The following ABCB1 variants were observed in gnomAD, a reference collection of about 807,000 sequenced individuals.
ABCB1 encodes the protein ATP binding cassette subfamily B member 1.
A neutral mutation model predicts 142.0 loss-of-function variants in ABCB1; 69 were observed. The observed-to-expected ratio is 0.49, with a 90% CI of 0.40 to 0.59. The LOEUF is 0.59. ABCB1 is among the 20% of genes least tolerant of loss of function. ABCB1 has a pLI of 0.00. For synonymous variants in ABCB1, 532 were observed against 539.2 expected (o/e 0.99, Z 0.18); for missense variants, 1,326 against 1,554.7 (o/e 0.85, Z 2.47).
chr7:87,589,841 A>AGAGAGAGAGAGAGG (rs1818921510), intron 3 of ABCB1, among the ~76,000 whole-genome samples: 2 of 146,106 alleles, frequency 1.4e-5, no homozygotes, highest in African/African-American at 5.2e-5. Flanking sequence ...AGAGAGGGAG[A>AGAGAGAGAGAGAGG]GAGGGAGGGA....
In ABCB1 at chr7:87,571,535, G is replaced by A. The variant is rs147319397; in HGVS notation, c.287-1312C>T. ...GCAAATACTTATGAGACTTATAGAG[G>A]AAGAAGTTACAGGACTTAGCAACTG... On this transcript the variant is annotated intron_variant, in intron 4 of 27. Transcript: ENST00000622132. Among the ~76,000 whole-genome samples, 764 of 152,172 alleles carry A rather than the reference G, an allele frequency of 5.0e-3. 7 individuals are homozygous for A. The highest frequency in any genetic ancestry group is 7.9e-3 in the Non-Finnish European group (540 of 68,002).
chr7:87,703,178 A>G (rs1048560063), intron 1 of ABCB1, among the ~76,000 whole-genome samples: 2 of 152,200 alleles, frequency 1.3e-5, no homozygotes, highest in African/African-American at 2.4e-5. Context: ...TCTATGTAAT[A>G]ACCGAAAGTA....
At chr7:87,583,466 A>T (rs536224049) in intron 4 of ABCB1, among the ~76,000 whole-genome samples, 1 of 152,318 alleles carries the variant, frequency 6.6e-6, no homozygotes, top group East Asian at 1.9e-4. Context: ...TCAAGACTAG[A>T]AGAGTGAGCT....
At chr7:87,700,529 A>C in intron 1 of ABCB1, 1 of 1,613,256 alleles carries the variant, frequency 6.2e-7, no homozygotes, top group South Asian at 1.1e-5. Flanking sequence ...GAAAATATGG[A>C]AAATGTCAGT....
At chr7:87,677,998 A>G (rs1448902466) in intron 1 of ABCB1, among the ~76,000 whole-genome samples, 3 of 152,250 alleles carry the variant, frequency 2.0e-5, no homozygotes, top group African/African-American at 7.2e-5. Flanking sequence ...GATAAAGGAA[A>G]ACTAAGAATT....
chr7:87,596,775 C>CT (rs2129985892), intron 2 of ABCB1, among the ~76,000 whole-genome samples: 1 of 152,142 alleles, frequency 6.6e-6, no homozygotes, highest in East Asian at 1.9e-4. Context: ...ACCCATTTGG[C>CT]TTTGGAGTAA....
At chr7:87,595,062 G>A (rs2129977277) in intron 3 of ABCB1, among the ~76,000 whole-genome samples, 1 of 152,226 alleles carries the variant, frequency 6.6e-6, no homozygotes, top group South Asian at 2.1e-4. Context: ...TAACTAGGCA[G>A]AGGTTGCAGT....
At chr7:87,590,807 G>A (rs149155302) in intron 3 of ABCB1, among the ~76,000 whole-genome samples, 274 of 152,318 alleles carry the variant, frequency 1.8e-3, no homozygotes, top group African/African-American at 6.4e-3. Context: ...AGAAAGGAAA[G>A]CATTTAATGG....
chr7:87,507,800 A>C (rs564097657), intron 26 of ABCB1, among the ~76,000 whole-genome samples: 2 of 152,176 alleles, frequency 1.3e-5, no homozygotes, highest in Admixed American at 6.5e-5. Flanking sequence ...CTAGGTTGAG[A>C]AGCACTTCAA....
chr7:87,561,198 A>G, intron 8 of ABCB1, 65 bp downstream of exon 8: 1 of 1,586,514 alleles, frequency 6.3e-7, no homozygotes. Context: ...TAACACTGTC[A>G]ATCTGAAGGG....
intron 1 of ABCB1, among the ~76,000 whole-genome samples, chr7:87,653,181 A>C (rs1416336286): frequency 6.6e-6 from 1 of 152,084 alleles, no homozygotes; most frequent in African/African-American, 2.4e-5. Flanking sequence ...AATTAATAAC[A>C]ATATTAGAAT....
At chr7:87,683,629 G>A (rs1178712902) in intron 1 of ABCB1, among the ~76,000 whole-genome samples, 1 of 152,130 alleles carries the variant, frequency 6.6e-6, no homozygotes, top group East Asian at 1.9e-4. Flanking sequence ...ATTTTATACA[G>A]GTGTGGTTCA....
chr7:87,594,405 T>C (rs577835140), intron 3 of ABCB1, among the ~76,000 whole-genome samples: 3 of 152,352 alleles, frequency 2.0e-5, no homozygotes, highest in Non-Finnish European at 4.4e-5. Flanking sequence ...TAAAGCTCCA[T>C]ATTTTTATTC....
At chr7:87,520,985 T>A in intron 21 of ABCB1, 109 bp from the exon 22 acceptor site, 3 of 828,038 alleles carry the variant, frequency 3.6e-6, no homozygotes, top group Non-Finnish European at 4.0e-6. Flanking sequence ...ACATATTTAT[T>A]ATTATGTATG....
intron 7 of ABCB1, among the ~76,000 whole-genome samples, chr7:87,561,816 C>T (rs1294329978): frequency 6.6e-6 from 1 of 152,040 alleles, no homozygotes; most frequent in Non-Finnish European, 1.5e-5. Context: ...CAAGACCCCG[C>T]CTCTACAAAA....
chr7:87,561,692 T>C lies in ABCB1; in HGVS notation c.703-305A>G, dbSNP rs148517227. ...AAGTGGTCAACTACCTAAATAAAGA[T>C]TACACATGACAGGCCAGGTGTGGTG... is the stretch of plus-strand genomic sequence containing the variant. On this transcript the variant is annotated intron_variant, in intron 7 of 27. Transcript: ENST00000622132. Among the ~76,000 whole-genome samples the C allele has an allele frequency of 8.5e-5, 13 of 152,304 alleles. No homozygotes were observed. The East Asian group carries it at 2.5e-3, about 29-fold the overall frequency.
At chr7:87,684,817 A>G (rs1161093471) in intron 1 of ABCB1, among the ~76,000 whole-genome samples, 1 of 151,102 alleles carries the variant, frequency 6.6e-6, no homozygotes, top group Non-Finnish European at 1.5e-5. Context: ...ACACATAAAT[A>G]TGCTTGATTC....
chr7:87,551,722 T>G (rs759566452), intron 9 of ABCB1, among the ~76,000 whole-genome samples: 1 of 152,158 alleles, frequency 6.6e-6, no homozygotes, highest in Non-Finnish European at 1.5e-5. Flanking sequence ...ATTTTGGAAA[T>G]ATAAATACTT....
At chr7:87,516,691 T>C (rs1815264564) in intron 23 of ABCB1, 26 bp from the exon 24 acceptor site, 1 of 1,590,336 alleles carries the variant, frequency 6.3e-7, no homozygotes, top group Non-Finnish European at 8.6e-7. Context: ...ACAAAACATG[T>C]GCACAGCATT....
Sources: allele counts gnomAD v4.1 joint callset (sites outside exome capture counted in the v4.1 genomes callset), GRCh38; gene constraint gnomAD v4.1.1; transcripts MANE v1.5; gene names NCBI Gene and HGNC (gene_info 2026-07-23, HGNC 2026-07-21).